The following KCND2 variants were observed in gnomAD, a reference collection of about 807,000 sequenced individuals.
KCND2 encodes the protein potassium voltage-gated channel subfamily D member 2.
In KCND2, 16 loss-of-function variants were observed where a neutral mutation model predicts 54.4. The ratio of observed to expected loss-of-function variants is 0.29; its 90% confidence interval spans 0.20 to 0.45. The LOEUF (loss-of-function observed/expected upper bound fraction) is 0.45, where lower values mean the gene tolerates loss of function less well. Among genes scored for constraint, KCND2 ranks in the 20% least tolerant of loss-of-function variants. The pLI is 1.00. For synonymous variants in KCND2, 317 were observed against 310.7 expected, an observed-to-expected ratio of 1.02 and a Z score of -0.21; for missense variants, 486 against 824.2, an observed-to-expected ratio of 0.59 and a Z score of 5.02.
intron 1 of KCND2, among the ~76,000 whole-genome samples, chr7:120,365,152 A>G (rs2116406356): frequency 6.8e-6 from 1 of 146,564 alleles, no homozygotes; most frequent in South Asian, 2.3e-4. Flanking sequence ...TAAGGAAGGG[A>G]AAATGGAGGG....
chr7:120,611,535 A>C (rs1311535453), intron 1 of KCND2, among the ~76,000 whole-genome samples: 1 of 152,168 alleles, frequency 6.6e-6, no homozygotes, highest in Non-Finnish European at 1.5e-5. Flanking sequence ...AAGGGTGTCA[A>C]AGTGGGAGTG....
intron 1 of KCND2, among the ~76,000 whole-genome samples, chr7:120,526,336 G>C (rs1791773763): frequency 6.6e-6 from 1 of 151,950 alleles, no homozygotes. Context: ...ATGTGGCTTT[G>C]GAGAAAAATA....
At chr7:120,626,813 C>G (rs1198666671) in intron 1 of KCND2, among the ~76,000 whole-genome samples, 1 of 152,128 alleles carries the variant, frequency 6.6e-6, no homozygotes. Flanking sequence ...TCATAATGTT[C>G]TTTGAAAGAC....
At chr7:120,366,541 GAAAGA>G (rs200325336) in intron 1 of KCND2, among the ~76,000 whole-genome samples, 2,239 of 145,350 alleles carry the variant, frequency 0.015, 50 homozygotes, top group African/African-American at 0.054. Flanking sequence ...AGAGAGGGAG[GAAAGA>G]AAAGAAAAGA....
intron 1 of KCND2, among the ~76,000 whole-genome samples, chr7:120,677,888 C>G (rs35101238): frequency 6.6e-6 from 1 of 151,772 alleles, no homozygotes; most frequent in Non-Finnish European, 1.5e-5. Flanking sequence ...AAGCTTATTT[C>G]TAGGTCAGTA....
intron 1 of KCND2, among the ~76,000 whole-genome samples, chr7:120,694,045 G>A (rs1384634791): frequency 6.6e-6 from 1 of 152,184 alleles, no homozygotes; most frequent in African/African-American, 2.4e-5. Context: ...AGTCAGCTGT[G>A]ATTGCACCAC....
intron 1 of KCND2, among the ~76,000 whole-genome samples, chr7:120,576,906 G>A (rs998862456): frequency 1.3e-5 from 2 of 152,128 alleles, no homozygotes; most frequent in African/African-American, 4.8e-5. Flanking sequence ...CAGCACTTTG[G>A]GAGGCCAAGG....
chr7:120,551,351 CTTTG>C (rs924057117), intron 1 of KCND2, among the ~76,000 whole-genome samples: 7 of 152,128 alleles, frequency 4.6e-5, no homozygotes, highest in Non-Finnish European at 1.0e-4. Flanking sequence ...CACAAGTTTT[CTTTG>C]TTTGTTCATA....
rs190985110 is a variant in KCND2 at position 120,352,840 on chromosome 7, A to T, written c.1115+77093A>T. On this transcript the variant is annotated intron_variant, in intron 1 of 5. Coordinates refer to ENST00000331113, the MANE Select transcript of KCND2 (RefSeq NM_012281.3). ...GATAATTTAGAGAAAAATTCTCATTAGTTACTGATAATCATTATTAAACAT... is the reference window on the plus strand; with the variant it reads ...GATAATTTAGAGAAAAATTCTCATTTGTTACTGATAATCATTATTAAACAT... Among the ~76,000 whole-genome samples, 17 of 152,298 alleles carry T rather than the reference A, an allele frequency of 1.1e-4. No homozygotes were observed. The East Asian group carries it at 2.1e-3, about 19-fold the overall frequency.
intron 2 of KCND2, among the ~76,000 whole-genome samples, chr7:120,741,292 A>C (rs1482786911): frequency 6.6e-6 from 1 of 152,164 alleles, no homozygotes; most frequent in African/African-American, 2.4e-5. Context: ...TATTGTAAAG[A>C]CTTAATTATA....
At position 120,542,442 on chromosome 7, in the gene KCND2, C is replaced by T. The variant is rs141461822; in HGVS notation, c.1116-190461C>T. Among the ~76,000 whole-genome samples, 576 of 152,128 alleles carry T rather than the reference C, an allele frequency of 3.8e-3. 3 individuals carry two copies. Among genetic ancestry groups the T allele is most frequent in the African/African-American group, 0.013 (526 of 41,528 alleles). On this transcript the variant is annotated intron_variant, in intron 1 of 5. Transcript: ENST00000331113. ...ATTCTTCTCCAAGTGTATAAGTTTT[C>T]AACTGTATTGATCCTACATAATTGC...
intron 1 of KCND2, among the ~76,000 whole-genome samples, chr7:120,626,625 G>A (rs1411195558): frequency 6.6e-5 from 10 of 152,048 alleles, no homozygotes; most frequent in Admixed American, 6.6e-4. Flanking sequence ...ATCTCTTCTG[G>A]AATATTGGAA....
At chr7:120,696,188 A>G (rs1020086203) in intron 1 of KCND2, among the ~76,000 whole-genome samples, 3 of 152,326 alleles carry the variant, frequency 2.0e-5, no homozygotes, top group East Asian at 3.9e-4. Context: ...ATTATTTTCC[A>G]TAAAGATTGC....
chr7:120,333,465 TA>T (rs1800096965), intron 1 of KCND2, among the ~76,000 whole-genome samples: 1 of 152,092 alleles, frequency 6.6e-6, no homozygotes, highest in Non-Finnish European at 1.5e-5. Flanking sequence ...GGACAGATTC[TA>T]AGAAATTCAA....
intron 1 of KCND2, 136 bp from the exon 2 acceptor site, chr7:120,732,767 A>G (rs1002215081): frequency 4.6e-6 from 3 of 651,958 alleles, no homozygotes; most frequent in Non-Finnish European, 8.0e-6. Context: ...GTCTGAAGCC[A>G]TATATATTAT....
intron 1 of KCND2, among the ~76,000 whole-genome samples, chr7:120,289,043 C>T (rs12540162): frequency 0.76 from 105,279 of 138,406 alleles, 41,567 homozygotes; most frequent in South Asian, 0.92. Context: ...CACAAACACA[C>T]ACACACACAC....
intron 1 of KCND2, among the ~76,000 whole-genome samples, chr7:120,335,630 C>G (rs978399220): frequency 6.6e-6 from 1 of 151,580 alleles, no homozygotes; most frequent in Admixed American, 6.6e-5. Flanking sequence ...GGACTACAGG[C>G]GCCCCCCACC....
intron 1 of KCND2, among the ~76,000 whole-genome samples, chr7:120,370,415 C>T (rs6943092): frequency 0.82 from 124,690 of 151,922 alleles, 53,296 homozygotes; most frequent in South Asian, 0.95. Flanking sequence ...GCAATCAGGA[C>T]GCATTTTGAA....
chr7:120,695,945 A>G (rs1219545158), intron 1 of KCND2, among the ~76,000 whole-genome samples: 3 of 152,190 alleles, frequency 2.0e-5, no homozygotes, highest in African/African-American at 7.2e-5. Context: ...AAATAAATCA[A>G]AGAGTCAACT....
Sources: allele counts gnomAD v4.1 joint callset (sites outside exome capture counted in the v4.1 genomes callset), GRCh38; gene constraint gnomAD v4.1.1; transcripts MANE v1.5; gene names NCBI Gene and HGNC (gene_info 2026-07-23, HGNC 2026-07-21).